Variants in CEP350 observed in about 807,000 individuals in gnomAD.
CEP350 encodes centrosomal protein 350.
In CEP350, 126 loss-of-function variants were observed where a neutral mutation model predicts 331.8. That is an observed-to-expected ratio of 0.38 (90% CI 0.33 to 0.44). The LOEUF (loss-of-function observed/expected upper bound fraction) is 0.44. CEP350 is among the 20% of genes least tolerant of loss of function. CEP350 has a pLI of 1.00. For synonymous variants in CEP350, 1,200 were observed against 1,259.5 expected, an observed-to-expected ratio of 0.95 and a Z score of 1.00; for missense variants, 3,406 against 3,634.6, an observed-to-expected ratio of 0.94 and a Z score of 1.62.
chr1:180,021,097 A>G, intron 12 of CEP350, 88 bp downstream of exon 12: 2 of 1,227,740 alleles, frequency 1.6e-6, no homozygotes, highest in Non-Finnish European at 2.1e-6. Flanking sequence ...TTTAGTACAC[A>G]TTTTTCGTTG....
intron 10 of CEP350, among the ~76,000 whole-genome samples, chr1:180,014,730 C>T (rs974093333): frequency 6.6e-6 from 1 of 152,068 alleles, no homozygotes; most frequent in Non-Finnish European, 1.5e-5. Context: ...ATTTATTTTC[C>T]TCTCATCATT....
intron 11 of CEP350, among the ~76,000 whole-genome samples, chr1:180,016,695 T>C (rs1435616472): frequency 7.4e-6 from 1 of 135,722 alleles, no homozygotes; most frequent in Non-Finnish European, 1.5e-5. Flanking sequence ...AGGGTTTCAC[T>C]CTCTTGCCCA....
At chr1:179,963,705 T>G (rs1650796024) in intron 1 of CEP350, among the ~76,000 whole-genome samples, 1 of 152,136 alleles carries the variant, frequency 6.6e-6, no homozygotes, top group Non-Finnish European at 1.5e-5. Flanking sequence ...AGATGTCTGT[T>G]TTTGTATTGG....
chr1:179,984,845 T>C (rs1362743873), intron 1 of CEP350, among the ~76,000 whole-genome samples: 1 of 152,236 alleles, frequency 6.6e-6, no homozygotes, highest in African/African-American at 2.4e-5. Context: ...TTTCAAACTT[T>C]CTGTGTTGTT....
chr1:179,965,654 C>T (rs1161609006), intron 1 of CEP350, among the ~76,000 whole-genome samples: 3 of 96,730 alleles, frequency 3.1e-5, no homozygotes, highest in African/African-American at 7.9e-5. Context: ...GAGTCTTACT[C>T]TTGTCACCTA....
intron 36 of CEP350, 100 bp downstream of exon 36, chr1:180,096,284 C>T (rs1475505829): frequency 1.5e-6 from 2 of 1,332,792 alleles, no homozygotes; most frequent in South Asian, 1.7e-5. Flanking sequence ...TATGATTAAC[C>T]TTTGTGTCTT....
intron 30 of CEP350, among the ~76,000 whole-genome samples, chr1:180,081,002 G>A (rs900478084): frequency 1.4e-4 from 21 of 151,654 alleles, no homozygotes; most frequent in Admixed American, 4.6e-4. Flanking sequence ...TGGGATTACA[G>A]GCACCCGCCA....
At position 180,111,789 on chromosome 1, in the gene CEP350, T is replaced by G. The variant is rs558561049; in HGVS notation, c.*628T>G. 2.0e-5 allele frequency: 3 copies of G among 152,654 alleles called. No homozygotes were observed. Among genetic ancestry groups the G allele is most frequent in the Admixed American group, 2.0e-4 (3 of 15,298 alleles). 9.5% of individuals were successfully genotyped at this position (152,654 alleles called of 1,614,324 possible). On this transcript the variant is annotated 3_prime_UTR_variant, in exon 38 of 38. Transcript: ENST00000367607. ...GCTTTCTGAGCACCATCTAAAGAAT[T>G]TTAAACCTCTGCATTATGTTTAGTG... is the stretch of plus-strand genomic sequence containing the variant.
intron 16 of CEP350, 38 bp downstream of exon 16, chr1:180,034,120 A>G (rs749173069): frequency 6.3e-7 from 1 of 1,575,932 alleles, no homozygotes; most frequent in African/African-American, 1.4e-5. Flanking sequence ...TTAGAATACG[A>G]TATGAAATTT....
chr1:180,077,469 T>C (rs1404606741), intron 28 of CEP350, among the ~76,000 whole-genome samples: 3 of 150,938 alleles, frequency 2.0e-5, no homozygotes, highest in Non-Finnish European at 4.4e-5. Context: ...AGCTCAAGAG[T>C]TCATGACAAG....
At position 180,020,049 on chromosome 1, in the gene CEP350, C is replaced by T; in HGVS notation, c.2275C>T (p.Leu759Phe). The T allele has an allele frequency of 6.2e-7, 1 of 1,614,030 alleles. No individual in the cohort carries two copies. Among genetic ancestry groups the T allele is most frequent in the Non-Finnish European group, 8.5e-7 (1 of 1,179,898 alleles). Reference sequence around the variant, plus strand: ...TTTTGCTGGAACAGCTGGAAGTTTACTCTCCCATCTCTTGAGTTTAGAGCA... The same window carrying T: ...TTTTGCTGGAACAGCTGGAAGTTTATTCTCCCATCTCTTGAGTTTAGAGCA... The part of the protein sequence containing the change: ...QPFAGTAGSL[L>F]SHLLSLEHVG... Residue 759 changes from leucine to phenylalanine, a missense_variant, in exon 12 of 38, where the codon CTC becomes TTC. This residue lies in a region of CEP350 where 1,857 missense variants were observed against 1,909.2 expected (regional missense o/e 0.97). Transcript: ENST00000367607.
rs1319176205 is a variant in CEP350, at chr1:179,986,268, T to C, written c.73+14T>C. On this transcript the variant is annotated intron_variant, in intron 2 of 37. Coordinates refer to ENST00000367607, the MANE Select transcript of CEP350 (RefSeq NM_014810.5). ...ATACTGTTCAAGGTATGATTTTGTT[T>C]TTTTAAACAGAACTTAATACCTCAT... 3.2e-6 allele frequency: 5 copies of C among 1,543,792 alleles called. 1 individual carries two copies. In the South Asian group the frequency reaches 6.0e-5, roughly 18 times the overall value.
At chr1:180,108,968 ATT>A (rs1661318674) in intron 37 of CEP350, among the ~76,000 whole-genome samples, 2 of 152,236 alleles carry the variant, frequency 1.3e-5, no homozygotes, top group South Asian at 4.2e-4. Context: ...CCTGTTACAT[ATT>A]TGTCAACTCC....
At chr1:180,018,276 C>G (rs1160833978) in intron 11 of CEP350, among the ~76,000 whole-genome samples, 1 of 152,090 alleles carries the variant, frequency 6.6e-6, no homozygotes, top group African/African-American at 2.4e-5. Context: ...GCCTCAGCCT[C>G]CCAAGTAGCT....
At position 180,036,953 on chromosome 1, in the gene CEP350, T is replaced by TC; in HGVS notation, c.3976dup (p.His1326ProfsTer15). 6.3e-7 allele frequency: 1 copy of TC among 1,583,156 alleles called. No homozygotes were observed. Among genetic ancestry groups the TC allele is most frequent in the Non-Finnish European group, 8.6e-7 (1 of 1,166,234 alleles). On this transcript the variant is annotated frameshift_variant, in exon 17 of 38. Coordinates refer to ENST00000367607, the MANE Select transcript of CEP350 (RefSeq NM_014810.5). LOFTEE classifies it high-confidence loss of function. ...TCTAAGCGCTTTTCTCCTGCTGGCC[T>TC]CCATCATCGTATGGCAGCAGAACTC...
chr1:180,012,046 G>C lies in CEP350; in HGVS notation c.1364G>C (p.Arg455Thr). ...PKEQRTASSD[R>T]GGRERTAKSG... ...GAGCAAAGAACAGCATCAAGTGACAGAGGTGGAAGAGAAAGAACTGCTAAA... is the reference window on the plus strand; with the variant it reads ...GAGCAAAGAACAGCATCAAGTGACACAGGTGGAAGAGAAAGAACTGCTAAA... The change falls in exon 9 of 38, where the codon AGA (arginine) becomes ACA (threonine). Residue 455 changes from arginine (R) to threonine (T), a missense_variant. By Grantham distance (71) the Arg-to-Thr change is moderately conservative. Transcript: ENST00000367607. 1 of 1,566,976 alleles carries C rather than the reference G, an allele frequency of 6.4e-7. No individual in the cohort carries two copies. The highest frequency in any genetic ancestry group is 8.6e-7 in the Non-Finnish European group (1 of 1,156,070).
At chr1:180,054,586 C>T in intron 25 of CEP350, 84 bp downstream of exon 25, 1 of 930,106 alleles carries the variant, frequency 1.1e-6, no homozygotes, top group Non-Finnish European at 1.7e-6. Context: ...ATTTCTTTTC[C>T]TTATCATTGC....
At chr1:180,030,030 T>C (rs1037648772) in intron 14 of CEP350, among the ~76,000 whole-genome samples, 1 of 152,106 alleles carries the variant, frequency 6.6e-6, no homozygotes, top group Admixed American at 6.6e-5. Flanking sequence ...TTCCCGTGTA[T>C]GTATAAACCA....
At chr1:179,963,698 T>C (rs1000165468) in intron 1 of CEP350, among the ~76,000 whole-genome samples, 1 of 152,150 alleles carries the variant, frequency 6.6e-6, no homozygotes, top group African/African-American at 2.4e-5. Flanking sequence ...TTGATACAGA[T>C]GTCTGTTTTT....
Sources: gnomAD v4.1 joint callset for allele counts (sites outside exome capture counted in the v4.1 genomes callset) on GRCh38, gnomAD v4.1.1 for gene constraint, gnomAD v4.1.1 regional missense constraint, MANE v1.5 for transcripts, NCBI Gene and HGNC (gene_info 2026-07-23, HGNC 2026-07-21) for gene names.